Variants in OTUB2 observed in about 807,000 individuals in gnomAD.
The protein encoded by OTUB2 is ubiquitin thioesterase OTUB2.
A neutral mutation model predicts 25.1 loss-of-function variants in OTUB2; 21 were observed. The observed-to-expected ratio is 0.84, with a 90% CI of 0.59 to 1.21. OTUB2 has a LOEUF of 1.21. Among genes scored for constraint, OTUB2 ranks in the 50% most tolerant of loss-of-function variants. The pLI is 0.00. For missense variants in OTUB2, 283 were observed against 298.0 expected, an observed-to-expected ratio of 0.95 and a Z score of 0.37; for synonymous variants, 122 against 122.8, an observed-to-expected ratio of 0.99 and a Z score of 0.04.
rs754305550 is a variant in OTUB2 at position 94,044,098 on chromosome 14, A to C, written c.303+43A>C. 7 of 1,566,324 alleles carry C rather than the reference A, an allele frequency of 4.5e-6. No homozygotes were observed. The East Asian group carries it at 1.6e-4, about 35-fold the overall frequency. ...CTCCTTCCACACTGGCAGAGCAGACAGGAGTGGGCACTGGCTGGAGCCCCT... is the reference window on the plus strand; with the variant it reads ...CTCCTTCCACACTGGCAGAGCAGACCGGAGTGGGCACTGGCTGGAGCCCCT... On this transcript the variant is annotated intron_variant, in intron 4 of 5. Transcript: ENST00000203664.
chr14:94,041,875 G>A (rs1243505358), intron 3 of OTUB2, among the ~76,000 whole-genome samples: 1 of 152,184 alleles, frequency 6.6e-6, no homozygotes, highest in East Asian at 1.9e-4. Context: ...GTTGAACAGT[G>A]GCCATAGCCC....
chr14:94,044,899 A>C, intron 5 of OTUB2, 119 bp downstream of exon 5: 1 of 1,092,228 alleles, frequency 9.2e-7, no homozygotes. Context: ...TTGCAATTCA[A>C]ACAGAGCTAG....
chr14:94,028,890 T>C (rs1388595623), intron 1 of OTUB2, among the ~76,000 whole-genome samples: 5 of 151,922 alleles, frequency 3.3e-5, no homozygotes, highest in African/African-American at 1.2e-4. Flanking sequence ...TGTATATGAG[T>C]GTTCAAGAAG....
chr14:94,039,361 A>G, intron 3 of OTUB2: 1 of 480,488 alleles, frequency 2.1e-6, no homozygotes, highest in Non-Finnish European at 3.7e-6. Context: ...CGCAGGGAGC[A>G]GGTACTTCGT....
At chr14:94,028,582 G>A (rs1194135693) in intron 1 of OTUB2, among the ~76,000 whole-genome samples, 1 of 152,226 alleles carries the variant, frequency 6.6e-6, no homozygotes, top group Non-Finnish European at 1.5e-5. Context: ...ACATAAGCAG[G>A]AAAACCGCAG....
intron 1 of OTUB2, among the ~76,000 whole-genome samples, chr14:94,030,940 C>T (rs1309842539): frequency 6.6e-6 from 1 of 152,174 alleles, no homozygotes; most frequent in East Asian, 1.9e-4. Context: ...TTGCTTTAGG[C>T]CAGCAACACT....
Position 94,044,596 on chromosome 14 carries a change from T to C in OTUB2, c.314T>C (p.Val105Ala). 1 of 1,613,368 alleles carries C rather than the reference T, an allele frequency of 6.2e-7. No individual in the cohort carries two copies. Among genetic ancestry groups the C allele is most frequent in the Non-Finnish European group, 8.5e-7 (1 of 1,179,540 alleles). The change falls in exon 5 of 6, where the codon GTG becomes GCG. Residue 105 changes from valine to alanine, a missense_variant. Val to Ala is a moderately conservative substitution (Grantham distance 64). Coordinates refer to ENST00000203664, the MANE Select transcript of OTUB2 (RefSeq NM_023112.4). Reference sequence around the variant, plus strand: ...GCCGGGCGGGCGCAGTTTTACAGTGTGGTGGAACTGGTAGAGAAGGATGGC... The same window carrying C: ...GCCGGGCGGGCGCAGTTTTACAGTGCGGTGGAACTGGTAGAGAAGGATGGC... ...FRNFFNAFYS[V>A]VELVEKDGSV...
In OTUB2 at chr14:94,037,295, C is replaced by T. The variant is rs541672978; in HGVS notation, c.4-85C>T. The T allele has an allele frequency of 1.6e-4, 141 of 867,788 alleles. 1 individual carries two copies. The highest frequency in any genetic ancestry group is 8.9e-4 in the South Asian group (57 of 64,092). 53.8% of individuals were successfully genotyped at this position (867,788 alleles called of 1,614,324 possible). ...GGTCTCATTCATTGTTGTCTGTAACCGGCAGTTCAGAGGCCACCAGCTCGG... is the reference window on the plus strand; with the variant it reads ...GGTCTCATTCATTGTTGTCTGTAACTGGCAGTTCAGAGGCCACCAGCTCGG... On this transcript the variant is annotated intron_variant, in intron 1 of 5. Transcript: ENST00000203664.
intron 3 of OTUB2, among the ~76,000 whole-genome samples, chr14:94,043,055 A>C (rs542732531): frequency 6.6e-6 from 1 of 151,512 alleles, no homozygotes; most frequent in South Asian, 2.1e-4. Context: ...CTAGGCAAAT[A>C]CTCCTCCTTC....
At chr14:94,029,896 G>A (rs1201448816) in intron 1 of OTUB2, among the ~76,000 whole-genome samples, 1 of 152,206 alleles carries the variant, frequency 6.6e-6, no homozygotes, top group Non-Finnish European at 1.5e-5. Flanking sequence ...GGATGGGGTG[G>A]GGCATGGGAA....
chr14:94,032,490 G>A (rs1884982197), intron 1 of OTUB2, among the ~76,000 whole-genome samples: 1 of 152,036 alleles, frequency 6.6e-6, no homozygotes, highest in Non-Finnish European at 1.5e-5. Context: ...CAGAGACTGG[G>A]GGCAAGGGGA....
chr14:94,043,050 C>A (rs1885193783), intron 3 of OTUB2, among the ~76,000 whole-genome samples: 1 of 152,222 alleles, frequency 6.6e-6, no homozygotes, highest in Non-Finnish European at 1.5e-5. Flanking sequence ...GGCATCTAGG[C>A]AAATACTCCT....
intron 1 of OTUB2, among the ~76,000 whole-genome samples, chr14:94,028,081 T>C (rs1392118500): frequency 6.6e-6 from 1 of 152,244 alleles, no homozygotes; most frequent in African/African-American, 2.4e-5. Flanking sequence ...CTCTGCTCCC[T>C]ATCTGCCCTG....
chr14:94,043,860 G>A, intron 3 of OTUB2, 111 bp from the exon 4 acceptor site: 1 of 938,964 alleles, frequency 1.1e-6, no homozygotes, highest in African/African-American at 1.6e-5. Flanking sequence ...TCTGCGGCTG[G>A]ACTAGAGATG....
intron 1 of OTUB2, among the ~76,000 whole-genome samples, chr14:94,032,383 A>G (rs1884980619): frequency 6.6e-6 from 1 of 152,230 alleles, no homozygotes. Context: ...GCATACTTAC[A>G]AGTCTGTATT....
Position 94,045,899 on chromosome 14 carries a change from C to T in OTUB2, c.682C>T (p.Leu228Phe). Residue 228 changes from leucine to phenylalanine, a missense_variant, in exon 6 of 6, where the codon CTT becomes TTT. Physicochemically the swap from Leu to Phe is conservative, Grantham distance 22 (BLOSUM62 0). Coordinates refer to ENST00000203664, the MANE Select transcript of OTUB2 (RefSeq NM_023112.4). The stretch of plus-strand genomic sequence containing the variant: ...CTATAAAACATCCCACTACAACATC[C>T]TTTATGCAGCCGATAAACATTGATT... ...LLYKTSHYNILYAADKH is the reference protein window; with the variant it reads ...LLYKTSHYNIFYAADKH 2 of 1,614,248 alleles carry T rather than the reference C, an allele frequency of 1.2e-6. No individual in the cohort carries two copies. The highest frequency in any genetic ancestry group is 1.7e-6 in the Non-Finnish European group (2 of 1,180,040).
intron 3 of OTUB2, 90 bp downstream of exon 3, chr14:94,039,171 C>A: frequency 9.8e-7 from 1 of 1,017,116 alleles, no homozygotes; most frequent in Non-Finnish European, 1.5e-6. Context: ...TACACTCAGG[C>A]TGGTTAACCC....
At chr14:94,035,286 C>CTTTT (rs761154708) in intron 1 of OTUB2, among the ~76,000 whole-genome samples, 158 of 104,038 alleles carry the variant, frequency 1.5e-3, no homozygotes, top group East Asian at 3.0e-3. Context: ...TTTTTCTTTT[C>CTTTT]TTTTTTTTTT....
rs769019828 is a variant in OTUB2, at chr14:94,045,854, ACCCCTT to A, written c.640_645del (p.Pro214_Ser215del). ...CCACCACGTGTTCCCTGAGGCCGCC[ACCCCTT>A]CCGTTTACCTGCTCTATAAAACATC... On this transcript the variant is annotated inframe_deletion, in exon 6 of 6. Transcript: ENST00000203664. 8 of 1,614,154 alleles carry A rather than the reference ACCCCTT, an allele frequency of 5.0e-6. No individual in the cohort carries two copies. In the East Asian group the frequency reaches 1.8e-4, roughly 36 times the overall value.
Sources: allele counts gnomAD v4.1 joint callset (sites outside exome capture counted in the v4.1 genomes callset), GRCh38; gene constraint gnomAD v4.1.1; transcripts MANE v1.5; gene names NCBI Gene and HGNC (gene_info 2026-07-23, HGNC 2026-07-21).